CCNYL1: variants seen among roughly 807,000 people sequenced by gnomAD.
The protein encoded by CCNYL1 is cyclin Y like 1.
Under a neutral mutation model 44.2 loss-of-function variants are expected in CCNYL1, and 16 were observed. The ratio of observed to expected loss-of-function variants is 0.36; its 90% CI spans 0.25 to 0.55. The LOEUF is 0.55. Ranked by LOEUF, CCNYL1 falls within the 20% of genes least tolerant of loss-of-function variation. The pLI is 0.85. For synonymous variants in CCNYL1, 159 were observed against 163.2 expected (o/e 0.97, Z 0.20); for missense variants, 348 against 451.8 (o/e 0.77, Z 2.08).
intron 8 of CCNYL1, among the ~76,000 whole-genome samples, chr2:207,749,598 A>G (rs1030725507): frequency 1.3e-5 from 2 of 152,236 alleles, no homozygotes; most frequent in Non-Finnish European, 2.9e-5. Context: ...ATGAAGTACT[A>G]TATTTCTACA....
At chr2:207,748,377 A>G (rs1043967932) in intron 8 of CCNYL1, among the ~76,000 whole-genome samples, 51 of 152,184 alleles carry the variant, frequency 3.4e-4, no homozygotes, top group African/African-American at 1.1e-3. Context: ...TTGCTGAGTC[A>G]TGGAGTTCCT....
chr2:207,721,073 G>A (rs868595225), intron 1 of CCNYL1, among the ~76,000 whole-genome samples: 4 of 152,110 alleles, frequency 2.6e-5, no homozygotes, highest in Non-Finnish European at 4.4e-5. Flanking sequence ...TAAAATCTCA[G>A]CGTTTACATC....
chr2:207,712,793 G>A (rs553329296), intron 1 of CCNYL1, among the ~76,000 whole-genome samples: 1 of 152,304 alleles, frequency 6.6e-6, no homozygotes, highest in South Asian at 2.1e-4. Context: ...AAGGGTGTGA[G>A]AGGTTATTAC....
chr2:207,726,191 C>T (rs1463767048), intron 2 of CCNYL1, among the ~76,000 whole-genome samples: 7 of 152,202 alleles, frequency 4.6e-5, no homozygotes, highest in Non-Finnish European at 7.3e-5. Flanking sequence ...GGAAACAAAG[C>T]GTGGTCCAAG....
chr2:207,715,367 T>C (rs1465922511), intron 1 of CCNYL1, among the ~76,000 whole-genome samples: 3 of 146,184 alleles, frequency 2.1e-5, no homozygotes, highest in African/African-American at 7.5e-5. Flanking sequence ...GGCTTTGTTC[T>C]TCAAGCTATT....
intron 7 of CCNYL1, among the ~76,000 whole-genome samples, chr2:207,744,846 T>C (rs2091842845): frequency 6.6e-6 from 1 of 152,138 alleles, no homozygotes; most frequent in Non-Finnish European, 1.5e-5. Flanking sequence ...CAGTGACAAA[T>C]GGCAGCTCAG....
At position 207,712,052 on chromosome 2, in the gene CCNYL1, G is replaced by A; in HGVS notation, c.156G>A (p.Glu52=). 1 of 1,555,454 alleles carries A rather than the reference G, an allele frequency of 6.4e-7. No individual in the cohort carries two copies. ...CGCCCGCTGTGGTGGAGCCTGCCGAGTTGGATTTCGGAGAGGGCGAGGGCC... is the reference window on the plus strand; with the variant it reads ...CGCCCGCTGTGGTGGAGCCTGCCGAATTGGATTTCGGAGAGGGCGAGGGCC... ...AVAPAVVEPA[E]LDFGEGEGHH... is the part of the protein sequence containing the mutation. Residue 52 remains glutamate (E), a synonymous_variant, in exon 1 of 10, where the codon GAG becomes GAA. Transcript: ENST00000295414.
At chr2:207,737,210 C>T (rs1225644628) in intron 4 of CCNYL1, among the ~76,000 whole-genome samples, 2 of 152,146 alleles carry the variant, frequency 1.3e-5, no homozygotes, top group Non-Finnish European at 1.5e-5. Context: ...CCACTGCGCC[C>T]GGCCTTACTT....
At chr2:207,728,790 G>T (rs1220011518) in intron 3 of CCNYL1, among the ~76,000 whole-genome samples, 1 of 151,872 alleles carries the variant, frequency 6.6e-6, no homozygotes, top group Non-Finnish European at 1.5e-5. Context: ...GGCTTGCTAT[G>T]GACCTTTTCT....
chr2:207,742,260 C>T lies in CCNYL1; in HGVS notation c.557C>T (p.Pro186Leu). 1 of 1,612,568 alleles carries T rather than the reference C, an allele frequency of 6.2e-7. No homozygotes were observed. Among genetic ancestry groups the T allele is most frequent in the Non-Finnish European group, 8.5e-7 (1 of 1,179,752 alleles). ...KVPEEYFKHD[P>L]EHKFIYRFVR... is the part of the protein sequence containing the mutation. Reference sequence around the variant, plus strand: ...CCAGAGGAATACTTTAAGCATGATCCTGAGCACAAATTTATTTACAGATTT... The same window carrying T: ...CCAGAGGAATACTTTAAGCATGATCTTGAGCACAAATTTATTTACAGATTT... The change falls in exon 7 of 10, where the codon CCT (proline) becomes CTT (leucine). Residue 186 changes from proline to leucine, a missense_variant. By Grantham distance (98) the Pro-to-Leu change is moderately conservative. Coordinates refer to ENST00000295414, the MANE Select transcript of CCNYL1 (RefSeq NM_001330218.2).
chr2:207,722,015 G>T (rs1446513564), intron 1 of CCNYL1, among the ~76,000 whole-genome samples: 1 of 151,692 alleles, frequency 6.6e-6, no homozygotes, highest in Non-Finnish European at 1.5e-5. Flanking sequence ...CTTGTTACTT[G>T]GGCTTATTTG....
intron 1 of CCNYL1, among the ~76,000 whole-genome samples, chr2:207,713,611 G>T (rs2091570479): frequency 6.6e-6 from 1 of 152,176 alleles, no homozygotes; most frequent in African/African-American, 2.4e-5. Flanking sequence ...TTTAAATCCA[G>T]TGGGCTCATT....
Position 207,754,415 on chromosome 2 carries a change from C to T in CCNYL1, c.*717C>T, listed in dbSNP as rs776939451. On this transcript the variant is annotated 3_prime_UTR_variant, in exon 10 of 10. Coordinates refer to ENST00000295414, the MANE Select transcript of CCNYL1 (RefSeq NM_001330218.2). ...CATTTCTTGTGAACTATAAATGGTG[C>T]TTCTCATTTTCTGATAATTTTTCTC... is the stretch of plus-strand genomic sequence containing the variant. 1 of 152,594 alleles carries T rather than the reference C, an allele frequency of 6.6e-6. No homozygotes were observed. 9.5% of individuals were successfully genotyped at this position (152,594 alleles called of 1,614,324 possible).
chr2:207,741,917 A>G (rs1053848103), intron 6 of CCNYL1, among the ~76,000 whole-genome samples: 2 of 151,332 alleles, frequency 1.3e-5, no homozygotes, highest in African/African-American at 4.9e-5. Flanking sequence ...TTGGGAGGCC[A>G]AGGCAGGTGG....
intron 1 of CCNYL1, among the ~76,000 whole-genome samples, chr2:207,719,730 T>A (rs2091625261): frequency 6.6e-6 from 1 of 152,150 alleles, no homozygotes; most frequent in Non-Finnish European, 1.5e-5. Context: ...CAAGGTTTTT[T>A]AATTTGTTTT....
intron 8 of CCNYL1, among the ~76,000 whole-genome samples, chr2:207,748,972 AAT>A (rs1421157835): frequency 6.6e-6 from 1 of 152,182 alleles, no homozygotes; most frequent in Non-Finnish European, 1.5e-5. Flanking sequence ...AAGGAAGCAA[AAT>A]TTATTATTAT....
intron 2 of CCNYL1, among the ~76,000 whole-genome samples, chr2:207,725,236 C>T (rs1335857984): frequency 3.3e-5 from 5 of 151,408 alleles, no homozygotes; most frequent in African/African-American, 1.2e-4. Context: ...AAGCAATTCT[C>T]CTGCCTCAGC....
At chr2:207,713,726 AGCTTCATGAT>A (rs1331690271) in intron 1 of CCNYL1, among the ~76,000 whole-genome samples, 1 of 152,242 alleles carries the variant, frequency 6.6e-6, no homozygotes, top group Non-Finnish European at 1.5e-5. Context: ...ATAATAATTA[AGCTTCATGAT>A]GGACATGCCT....
rs60004559 is a variant in CCNYL1, at chr2:207,714,312, CTTTTTTTTTTTT to C, written c.220+2211_220+2222del. The C allele has an allele frequency of 7.1e-5, 22 of 310,022 alleles. No homozygotes were observed. In the East Asian group the frequency reaches 9.5e-4, roughly 13 times the overall value. 19.2% of individuals were successfully genotyped at this position (310,022 alleles called of 1,614,324 possible). A position where few individuals can be genotyped will look rare whatever the true frequency, so the allele number is the denominator to read the frequency against. ...CGATTCAGAGGCAACACTTACATCT[CTTTTTTTTTTTT>C]TTTTTTTTTTTTTTAAGAGAAAGAG... On this transcript the variant is annotated intron_variant, in intron 1 of 9. Coordinates refer to ENST00000295414, the MANE Select transcript of CCNYL1 (RefSeq NM_001330218.2).
Sources: gnomAD v4.1 joint callset for allele counts (sites outside exome capture counted in the v4.1 genomes callset) on GRCh38, gnomAD v4.1.1 for gene constraint, MANE v1.5 for transcripts, NCBI Gene and HGNC (gene_info 2026-07-23, HGNC 2026-07-21) for gene names.